Variants in CD48 observed in about 807,000 individuals in gnomAD.
The protein encoded by CD48 is CD48 antigen.
CD48 carries 20 observed loss-of-function variants against 22.0 expected under a neutral mutation model. That is an observed-to-expected ratio of 0.91 (90% confidence interval 0.64 to 1.32). The LOEUF is 1.32. CD48 is among the 40% of genes most tolerant of loss of function. The pLI is 0.00. For synonymous variants in CD48, 110 were observed against 110.1 expected, an observed-to-expected ratio of 1.00 and a Z score of 0.01; for missense variants, 307 against 286.5, an observed-to-expected ratio of 1.07 and a Z score of -0.52.
chr1:160,687,761 T>C (rs1662054765), intron 1 of CD48, among the ~76,000 whole-genome samples: 1 of 152,156 alleles, frequency 6.6e-6, no homozygotes, highest in Admixed American at 6.5e-5. Context: ...ATTCCAAAAT[T>C]TACTACAGTG....
intron 1 of CD48, among the ~76,000 whole-genome samples, chr1:160,687,747 A>T (rs1458667649): frequency 2.0e-5 from 3 of 152,204 alleles, no homozygotes; most frequent in African/African-American, 7.2e-5. Context: ...AAACACAGAA[A>T]CATATTCCAA....
chr1:160,699,903 G>A (rs551483159), intron 1 of CD48: 5 of 151,670 alleles, frequency 3.3e-5, no homozygotes, highest in African/African-American at 9.7e-5. Flanking sequence ...TTGGTTCCCC[G>A]GGCCCCCTTA....
chr1:160,709,779 A>G (rs1214806883), intron 1 of CD48, among the ~76,000 whole-genome samples: 2 of 152,228 alleles, frequency 1.3e-5, no homozygotes, highest in Admixed American at 1.3e-4. Flanking sequence ...TTGTTCATTC[A>G]TTTGTGTAAC....
Position 160,711,738 on chromosome 1 carries a change from C to T in CD48, c.26G>A (p.Cys9Tyr), listed in dbSNP as rs767277348. The change falls in exon 1 of 4, where the codon TGT becomes TAT. Residue 9 changes from cysteine to tyrosine, a missense_variant. Coordinates refer to ENST00000368046, the MANE Select transcript of CD48 (RefSeq NM_001778.4). ...CAGCAGTAGCAATTCCAGAGCCAGA[C>T]ACGAATCCCAACCTCTGGAGCACAT... MCSRGWDS[C>Y]LALELLLLPL... 17 of 1,613,618 alleles carry T rather than the reference C, an allele frequency of 1.1e-5. No individual in the cohort carries two copies. Among genetic ancestry groups the T allele is most frequent in the Non-Finnish European group, 1.4e-5 (17 of 1,179,710 alleles).
chr1:160,692,512 G>C (rs1238814112), intron 1 of CD48, among the ~76,000 whole-genome samples: 1 of 152,028 alleles, frequency 6.6e-6, no homozygotes, highest in Non-Finnish European at 1.5e-5. Context: ...ACTGCCAGTA[G>C]CTTATCAATA....
At chr1:160,681,726 G>T (rs1221912479) in intron 2 of CD48, among the ~76,000 whole-genome samples, 1 of 152,128 alleles carries the variant, frequency 6.6e-6, no homozygotes, top group African/African-American at 2.4e-5. Context: ...CATATGCTCT[G>T]GGAACAAAAT....
chr1:160,681,659 G>C (rs894534020), intron 2 of CD48, among the ~76,000 whole-genome samples, 191 bp from the exon 3 acceptor site: 2 of 152,220 alleles, frequency 1.3e-5, no homozygotes, highest in Non-Finnish European at 1.5e-5. Context: ...CTCACTGCAA[G>C]AGCGGCTTCT....
chr1:160,704,161 G>A lies in CD48; in HGVS notation c.82+7521C>T, dbSNP rs139987289. On this transcript the variant is annotated intron_variant, in intron 1 of 3. Coordinates refer to ENST00000368046, the MANE Select transcript of CD48 (RefSeq NM_001778.4). ...AGTTTGGATCAGAGGCAGATTTCCC[G>A]TGAAAGTGATGAAGCTGAAGCTTCA... 8.3e-3 allele frequency among the ~76,000 whole-genome samples: 1,260 copies of A among 152,300 alleles called. 8 individuals are homozygous for A. The highest frequency in any genetic ancestry group is 0.017 in the South Asian group (82 of 4,828).
rs76995107 is a variant in CD48 at position 160,703,666 on chromosome 1, A to G, written c.82+8016T>C. Among the ~76,000 whole-genome samples, 443 of 152,360 alleles carry G rather than the reference A, an allele frequency of 2.9e-3. 4 individuals carry two copies. Among genetic ancestry groups the G allele is most frequent in the African/African-American group, 0.01 (423 of 41,588 alleles). ...AGTATGTAAGGAGATGATAACTGCC[A>G]TGACAGAGGAGAAAACCTAGAATAA... On this transcript the variant is annotated intron_variant, in intron 1 of 3. Coordinates refer to ENST00000368046, the MANE Select transcript of CD48 (RefSeq NM_001778.4).
intron 3 of CD48, among the ~76,000 whole-genome samples, chr1:160,680,006 G>GAAA (rs1366609750): frequency 6.6e-6 from 1 of 152,196 alleles, no homozygotes; most frequent in Non-Finnish European, 1.5e-5. Flanking sequence ...AATTAGTTAG[G>GAAA]AAGAATAAGG....
intron 2 of CD48, among the ~76,000 whole-genome samples, chr1:160,682,393 G>T (rs1661840752): frequency 6.7e-6 from 1 of 149,464 alleles, no homozygotes; most frequent in Admixed American, 6.7e-5. Flanking sequence ...GAGCCCAGGA[G>T]TTCCAGGGTG....
intron 1 of CD48, among the ~76,000 whole-genome samples, chr1:160,688,656 C>T (rs1440253943): frequency 6.6e-6 from 1 of 152,136 alleles, no homozygotes; most frequent in Non-Finnish European, 1.5e-5. Context: ...TTCCCATACT[C>T]GCAGTCCAGA....
intron 1 of CD48, among the ~76,000 whole-genome samples, chr1:160,688,433 GT>G (rs1662077965): frequency 6.6e-6 from 1 of 152,202 alleles, no homozygotes; most frequent in African/African-American, 2.4e-5. Flanking sequence ...CAAAATGGGA[GT>G]TAATACAAGT....
At chr1:160,710,091 C>T (rs192982158) in intron 1 of CD48, among the ~76,000 whole-genome samples, 14 of 152,226 alleles carry the variant, frequency 9.2e-5, no homozygotes, top group African/African-American at 1.4e-4. Context: ...TAAGAGAAAA[C>T]GCCTCTTTTA....
chr1:160,681,119 C>T (rs1220739397), intron 3 of CD48, 83 bp downstream of exon 3: 8 of 1,604,696 alleles, frequency 5.0e-6, no homozygotes, highest in Middle Eastern at 1.9e-4. Context: ...TGCAAGGAGG[C>T]TGAATAGGAC....
intron 1 of CD48, among the ~76,000 whole-genome samples, chr1:160,704,046 C>T (rs1662717633): frequency 6.6e-6 from 1 of 152,010 alleles, no homozygotes; most frequent in Non-Finnish European, 1.5e-5. Flanking sequence ...GTAAAAGTGG[C>T]TCATGTCTTG....
At chr1:160,700,904 T>C (rs1177530031) in intron 1 of CD48, among the ~76,000 whole-genome samples, 1 of 152,086 alleles carries the variant, frequency 6.6e-6, no homozygotes, top group Non-Finnish European at 1.5e-5. Context: ...CCAGCCTCTA[T>C]AACACAGCAG....
intron 1 of CD48, among the ~76,000 whole-genome samples, chr1:160,708,828 T>C (rs1232669973): frequency 6.6e-6 from 1 of 152,134 alleles, no homozygotes; most frequent in Non-Finnish European, 1.5e-5. Flanking sequence ...GGTGATGGCT[T>C]CAATGAATGG....
intron 1 of CD48, among the ~76,000 whole-genome samples, chr1:160,710,678 T>C (rs1662922597): frequency 1.3e-5 from 2 of 152,188 alleles, no homozygotes; most frequent in Admixed American, 6.5e-5. Context: ...GTCCTATGCA[T>C]TGAGTCAGGC....
Sources: gnomAD v4.1 joint callset for allele counts (sites outside exome capture counted in the v4.1 genomes callset) on GRCh38, gnomAD v4.1.1 for gene constraint, MANE v1.5 for transcripts, NCBI Gene and HGNC (gene_info 2026-07-23, HGNC 2026-07-21) for gene names.